The following CHID1 variants were observed in gnomAD, a reference collection of about 807,000 sequenced individuals.
CHID1 encodes the protein chitinase domain containing 1.
CHID1 carries 44 observed loss-of-function variants against 55.4 expected under a neutral mutation model. That is an observed-to-expected ratio of 0.79 (90% confidence interval 0.62 to 1.02). The LOEUF is 1.02. CHID1 is among the 50% of genes least tolerant of loss of function. The pLI is 0.00. For missense variants in CHID1, 491 were observed against 515.3 expected (o/e 0.95, Z 0.46); for synonymous variants, 216 against 212.9 (o/e 1.01, Z -0.13).
chr11:895,081 G>A (rs908594339), intron 7 of CHID1, among the ~76,000 whole-genome samples: 1 of 152,184 alleles, frequency 6.6e-6, no homozygotes, highest in Non-Finnish European at 1.5e-5. Flanking sequence ...GCCACTTAGA[G>A]GTGGTGGTCA....
intron 8 of CHID1, 136 bp from the exon 9 acceptor site, chr11:884,305 G>T: frequency 1.6e-6 from 1 of 641,094 alleles, no homozygotes; most frequent in Non-Finnish European, 2.7e-6. Context: ...CTGGGGTGGG[G>T]ACAGCCTGCA....
intron 3 of CHID1, among the ~76,000 whole-genome samples, chr11:902,647 G>C (rs1235828332): frequency 7.0e-6 from 1 of 141,852 alleles, no homozygotes; most frequent in Non-Finnish European, 1.6e-5. Flanking sequence ...CTGGGTGTGA[G>C]AACCCACCCC....
chr11:900,363 C>T (rs1851716736), intron 5 of CHID1, among the ~76,000 whole-genome samples: 1 of 152,164 alleles, frequency 6.6e-6, no homozygotes, highest in African/African-American at 2.4e-5. Flanking sequence ...CACCAGCTCC[C>T]CACACGGCTC....
At chr11:896,873 CCCCAGACACGAG>C (rs1851353403) in intron 7 of CHID1, among the ~76,000 whole-genome samples, 1 of 114,392 alleles carries the variant, frequency 8.7e-6, no homozygotes, top group Admixed American at 8.8e-5. Flanking sequence ...CCAGACTCCA[CCCCAGACACGAG>C]CCTGTCTCAG....
At chr11:910,832 G>T, upstream of CHID1, 1 of 1,094,948 alleles carries the variant, frequency 9.1e-7, no homozygotes, top group Non-Finnish European at 1.1e-6. Flanking sequence ...GCTCCAGCGC[G>T]CCGGAAGTCC....
At chr11:883,076 C>T in intron 10 of CHID1, 72 bp downstream of exon 10, 1 of 1,489,148 alleles carries the variant, frequency 6.7e-7, no homozygotes, top group African/African-American at 1.4e-5. Context: ...CCCCATCACT[C>T]TGTCTCCTTA....
chr11:894,121 C>CAA lies in CHID1; in HGVS notation c.609-604_609-603dup, dbSNP rs58548115. 6.5e-4 allele frequency among the ~76,000 whole-genome samples: 38 copies of CAA among 58,066 alleles called. 1 individual carries two copies. The highest frequency in any genetic ancestry group is 5.1e-4 in the African/African-American group (8 of 15,766). 38.1% of individuals were successfully genotyped at this position (58,066 alleles called of 152,430 possible). On this transcript the variant is annotated intron_variant, in intron 7 of 12. Transcript: ENST00000323578. ...TGGGCTGAAGAGCATGACTCTGTCT[C>CAA]AAAAAAAAAAAAAAAAAAAAAAAAA...
In CHID1 at chr11:869,867, G is replaced by A; in HGVS notation, c.1173C>T (p.Asp391=). 6.2e-7 allele frequency: 1 copy of A among 1,612,934 alleles called. No homozygotes were observed. The highest frequency in any genetic ancestry group is 2.2e-5 in the East Asian group (1 of 44,872). Residue 391 remains aspartate (D), a synonymous_variant, in exon 13 of 13, where the codon GAC becomes GAT. Coordinates refer to ENST00000323578, the MANE Select transcript of CHID1 (RefSeq NM_023947.4). The stretch of plus-strand genomic sequence containing the variant: ...AGGCCGCAATGCCCACCTAGAGCAG[G>A]TCGTAGAAGTAGTCCAGGCCCTGGC... ...ELGQGLDYFY[D]LL
At chr11:906,604 G>GCT (rs1852234108) in intron 1 of CHID1, among the ~76,000 whole-genome samples, 1 of 152,160 alleles carries the variant, frequency 6.6e-6, no homozygotes, top group African/African-American at 2.4e-5. Flanking sequence ...GCACTGCCAT[G>GCT]CTCGTGGTGT....
chr11:900,858 G>A lies in CHID1; in HGVS notation c.439+78C>T, dbSNP rs1275024695. The A allele has an allele frequency of 1.1e-5, 13 of 1,220,952 alleles. No individual in the cohort carries two copies. In the Admixed American group the frequency reaches 1.4e-4, roughly 13 times the overall value. 75.6% of individuals were successfully genotyped at this position (1,220,952 alleles called of 1,614,324 possible). ...AGCACAGCCGGGTGATCAGGAACAC[G>A]TGGAGACCCCAGTGCCCACCTGTCC... On this transcript the variant is annotated intron_variant, in intron 5 of 12. Transcript: ENST00000323578.
chr11:894,545 G>C (rs1851115269), intron 7 of CHID1, among the ~76,000 whole-genome samples: 1 of 152,218 alleles, frequency 6.6e-6, no homozygotes, highest in Non-Finnish European at 1.5e-5. Flanking sequence ...TCCACACTGG[G>C]CAGGCTCTGG....
chr11:907,350 A>G (rs1012774995), intron 1 of CHID1, among the ~76,000 whole-genome samples: 34 of 152,232 alleles, frequency 2.2e-4, no homozygotes, highest in African/African-American at 7.9e-4. Context: ...GCATGGTGGC[A>G]GGCGCCTGTA....
chr11:880,345 G>A (rs1004822001), intron 10 of CHID1, among the ~76,000 whole-genome samples: 5 of 152,234 alleles, frequency 3.3e-5, no homozygotes, highest in Non-Finnish European at 7.3e-5. Flanking sequence ...AGCAGGGTCA[G>A]GCCCTGCTCA....
At chr11:884,047 G>A in intron 9 of CHID1, 21 bp downstream of exon 9, 1 of 1,589,412 alleles carries the variant, frequency 6.3e-7, no homozygotes, top group Non-Finnish European at 8.6e-7. Flanking sequence ...GTGCCCAGGA[G>A]CCCCCCAAGC....
intron 1 of CHID1, chr11:908,779 G>T: frequency 5.6e-6 from 1 of 178,922 alleles, no homozygotes; most frequent in Non-Finnish European, 1.1e-5. Context: ...GCCCCTACCT[G>T]CCGTCCTGCA....
At chr11:907,270 A>G (rs2134368870) in intron 1 of CHID1, among the ~76,000 whole-genome samples, 1 of 152,294 alleles carries the variant, frequency 6.6e-6, no homozygotes, top group African/African-American at 2.4e-5. Context: ...TCACGAGGTC[A>G]GGAGATCGAG....
At chr11:891,039 G>A (rs554721677) in intron 8 of CHID1, among the ~76,000 whole-genome samples, 1 of 152,300 alleles carries the variant, frequency 6.6e-6, no homozygotes, top group Admixed American at 6.5e-5. Context: ...AAAGCACCAG[G>A]GACAGGGATT....
At chr11:892,265 G>A (rs548007006) in intron 8 of CHID1, among the ~76,000 whole-genome samples, 4 of 152,312 alleles carry the variant, frequency 2.6e-5, no homozygotes, top group African/African-American at 9.6e-5. Context: ...GCACAGCCAG[G>A]CCCCTGCCCA....
At chr11:893,603 G>T in intron 7 of CHID1, 84 bp from the exon 8 acceptor site, 2 of 1,121,784 alleles carry the variant, frequency 1.8e-6, no homozygotes, top group Non-Finnish European at 2.5e-6. Context: ...CCTCAGGGAG[G>T]GGTGGGGCTG....
Sources: gnomAD v4.1 joint callset for allele counts (sites outside exome capture counted in the v4.1 genomes callset) on GRCh38, gnomAD v4.1.1 for gene constraint, MANE v1.5 for transcripts, NCBI Gene and HGNC (gene_info 2026-07-23, HGNC 2026-07-21) for gene names.